Variants in PI4K2B observed in about 807,000 individuals in gnomAD.
PI4K2B encodes phosphatidylinositol 4-kinase type 2 beta.
In PI4K2B, 46 loss-of-function variants were observed where a neutral mutation model predicts 56.6. That is an observed-to-expected ratio of 0.81 (90% CI 0.64 to 1.04). The LOEUF (loss-of-function observed/expected upper bound fraction) is 1.04. Among genes scored for constraint, PI4K2B ranks in the 50% least tolerant of loss-of-function variants. The pLI, the probability that PI4K2B is intolerant of heterozygous loss-of-function variation, is 0.00. For synonymous variants in PI4K2B, 211 were observed against 223.8 expected (o/e 0.94, Z 0.51); for missense variants, 556 against 607.7 (o/e 0.91, Z 0.89).
intron 4 of PI4K2B, chr4:25,258,569 T>TAAA: frequency 4.3e-6 from 1 of 235,258 alleles, no homozygotes; most frequent in Non-Finnish European, 6.7e-6. Context: ...TCTTAACAAC[T>TAAA]AAAAAAAAAA....
At chr4:25,245,298 G>A (rs1368005565) in intron 1 of PI4K2B, among the ~76,000 whole-genome samples, 6 of 152,140 alleles carry the variant, frequency 3.9e-5, no homozygotes, top group East Asian at 1.9e-4. Flanking sequence ...TTTTAGAAGC[G>A]GGACTAACCT....
In PI4K2B at chr4:25,260,562, C is replaced by T. The variant is rs757860778; in HGVS notation, c.949C>T (p.Gln317Ter). The T allele has an allele frequency of 2.9e-6, 4 of 1,399,604 alleles. No homozygotes were observed. Among genetic ancestry groups the T allele is most frequent in the Admixed American group, 2.7e-5 (1 of 37,130 alleles). The allele number at this position is 1,399,604 out of a possible 1,614,324, so 86.7% of individuals were successfully genotyped here. A position where few individuals can be genotyped will look rare whatever the true frequency, so the allele number is the denominator to read the frequency against. Reference protein sequence around the residue: ...NDNWLVRYEKQKCEKEIDHKE... With the variant: ...NDNWLVRYEK ...TAATTGGTTAGTCAGATACGAAAAG[C>T]AGAAATGTGAAAAGGAAATTGACCA... Residue 317 changes from glutamine to a stop codon, truncating the protein, a stop_gained, in exon 6 of 10, where the codon CAG (glutamine) becomes TAG (stop). Coordinates refer to ENST00000264864, the MANE Select transcript of PI4K2B (RefSeq NM_018323.4). LOFTEE classifies it high-confidence loss of function.
At chr4:25,260,806 GTC>G (rs1716444398) in intron 6 of PI4K2B, among the ~76,000 whole-genome samples, 1 of 146,946 alleles carries the variant, frequency 6.8e-6, no homozygotes, top group Non-Finnish European at 1.5e-5. Context: ...TAAATCTACT[GTC>G]TCTGTTTTTC....
intron 1 of PI4K2B, among the ~76,000 whole-genome samples, chr4:25,236,897 G>T (rs755618172): frequency 8.5e-5 from 13 of 152,196 alleles, no homozygotes; most frequent in Non-Finnish European, 1.6e-4. Context: ...GTTCATGATT[G>T]AGTAATTTAA....
intron 3 of PI4K2B, 31 bp from the exon 4 acceptor site, chr4:25,256,512 C>A: frequency 6.3e-7 from 1 of 1,595,712 alleles, no homozygotes; most frequent in South Asian, 1.1e-5. Flanking sequence ...AATGCAAATT[C>A]TAACCATTTT....
At chr4:25,257,738 A>C (rs940697075) in intron 4 of PI4K2B, among the ~76,000 whole-genome samples, 1 of 152,182 alleles carries the variant, frequency 6.6e-6, no homozygotes, top group Non-Finnish European at 1.5e-5. Context: ...TTTAAGATAA[A>C]TTTTACTCAA....
chr4:25,244,822 C>T (rs1345719243), intron 1 of PI4K2B, among the ~76,000 whole-genome samples: 2 of 152,154 alleles, frequency 1.3e-5, no homozygotes, highest in Non-Finnish European at 2.9e-5. Context: ...CGCAACGGTC[C>T]CTGGACCCTG....
At chr4:25,252,174 A>T in intron 1 of PI4K2B, 147 bp from the exon 2 acceptor site, 106 of 360,424 alleles carry the variant, frequency 2.9e-4, no homozygotes, top group East Asian at 3.8e-4. Flanking sequence ...GGGGGTTGTT[A>T]GGCAGTGGGG....
At chr4:25,239,254 CT>C (rs1260090490) in intron 1 of PI4K2B, among the ~76,000 whole-genome samples, 1 of 152,204 alleles carries the variant, frequency 6.6e-6, no homozygotes, top group African/African-American at 2.4e-5. Flanking sequence ...CTCCTCAGCC[CT>C]TGGGTGGTCG....
In PI4K2B at chr4:25,275,093, C is replaced by CTGTCATG. The variant is rs1717048793; in HGVS notation, c.1273-1921_1273-1920insTGTCATG. On this transcript the variant is annotated intron_variant, in intron 9 of 9. Transcript: ENST00000264864. The stretch of plus-strand genomic sequence containing the variant: ...TGCTGGGATTACAGGCATGAGCCAC[C>CTGTCATG]ACACCTGGTCAACGTTTCTGTTTTC... 2.0e-5 allele frequency among the ~76,000 whole-genome samples: 3 copies of CTGTCATG among 152,320 alleles called. No individual in the cohort carries two copies. In the South Asian group the frequency reaches 6.2e-4, roughly 32 times the overall value.
chr4:25,255,727 A>G (rs1197564138), intron 3 of PI4K2B, among the ~76,000 whole-genome samples: 11 of 152,146 alleles, frequency 7.2e-5, no homozygotes, highest in Non-Finnish European at 1.5e-4. Context: ...CCTCCTGAGT[A>G]GCTGGGACTA....
At position 25,259,017 on chromosome 4, in the gene PI4K2B, T is replaced by A; in HGVS notation, c.757-20T>A. ...TTGTTCTTGTACTTTCTTTTCTAAC[T>A]ATAGTTCTTAAAATTATAGATTGGT... On this transcript the variant is annotated intron_variant, in intron 4 of 9. Coordinates refer to ENST00000264864, the MANE Select transcript of PI4K2B (RefSeq NM_018323.4). 7.5e-7 allele frequency: 1 copy of A among 1,334,772 alleles called. No individual in the cohort carries two copies. The highest frequency in any genetic ancestry group is 1.1e-6 in the Non-Finnish European group (1 of 950,384). The allele number at this position is 1,334,772 out of a possible 1,614,324, so 82.7% of individuals were successfully genotyped here.
At chr4:25,239,802 C>G (rs144944772) in intron 1 of PI4K2B, among the ~76,000 whole-genome samples, 1 of 152,212 alleles carries the variant, frequency 6.6e-6, no homozygotes, top group African/African-American at 2.4e-5. Flanking sequence ...TCTCAATCCC[C>G]CCTCTAAACA....
chr4:25,276,816 TGCGC>T (rs1233512239), intron 9 of PI4K2B, 194 bp from the exon 10 acceptor site: 16 of 814,682 alleles, frequency 2.0e-5, no homozygotes, highest in South Asian at 1.1e-4. Context: ...TGTGTGTGTG[TGCGC>T]GTGTGTGTGT....
chr4:25,258,161 T>G (rs2109016609), intron 4 of PI4K2B, among the ~76,000 whole-genome samples: 1 of 151,748 alleles, frequency 6.6e-6, no homozygotes, highest in East Asian at 1.9e-4. Flanking sequence ...AATAGATTTG[T>G]TCTTTAAAAT....
rs576867675 is a variant in PI4K2B at position 25,278,863 on chromosome 4, A to G, written c.*1676A>G. The G allele has an allele frequency of 6.5e-6, 1 of 152,758 alleles. No individual in the cohort carries two copies. Among genetic ancestry groups the G allele is most frequent in the South Asian group, 2.1e-4 (1 of 4,828 alleles). The allele number at this position is 152,758 out of a possible 1,614,324, so 9.5% of individuals were successfully genotyped here. ...AAACTTAATAAATTGCTACTGTTTT[A>G]TATCATAAAATTAAAATACCATGGT... is the stretch of plus-strand genomic sequence containing the variant. On this transcript the variant is annotated 3_prime_UTR_variant, in exon 10 of 10. Coordinates refer to ENST00000264864, the MANE Select transcript of PI4K2B (RefSeq NM_018323.4).
At position 25,279,116 on chromosome 4, in the gene PI4K2B, G is replaced by C. The variant is rs1026327513; in HGVS notation, c.*1929G>C. 1.3e-5 allele frequency: 2 copies of C among 151,390 alleles called. No individual in the cohort carries two copies. The highest frequency in any genetic ancestry group is 2.9e-5 in the Non-Finnish European group (2 of 67,810). 9.4% of individuals were successfully genotyped at this position (151,390 alleles called of 1,614,324 possible). A position where few individuals can be genotyped will look rare whatever the true frequency, so the allele number is the denominator to read the frequency against. On this transcript the variant is annotated 3_prime_UTR_variant, in exon 10 of 10. Transcript: ENST00000264864. ...TATGTTCTTCTGTATGTACGTGTTTGGAATATTTAGAATGTTTATGAACAC... is the reference window on the plus strand; with the variant it reads ...TATGTTCTTCTGTATGTACGTGTTTCGAATATTTAGAATGTTTATGAACAC...
intron 1 of PI4K2B, among the ~76,000 whole-genome samples, chr4:25,238,846 G>A (rs1316483121): frequency 1.3e-5 from 2 of 152,168 alleles, no homozygotes; most frequent in African/African-American, 4.8e-5. Flanking sequence ...TGAGCAGGTT[G>A]CCACTGCTGG....
chr4:25,243,539 A>T (rs570849996), intron 1 of PI4K2B, among the ~76,000 whole-genome samples: 58 of 152,188 alleles, frequency 3.8e-4, no homozygotes, highest in African/African-American at 1.4e-3. Context: ...CTATTATAGA[A>T]CACCGAGGTT....
Sources: allele counts gnomAD v4.1 joint callset (sites outside exome capture counted in the v4.1 genomes callset), GRCh38; gene constraint gnomAD v4.1.1; transcripts MANE v1.5; gene names NCBI Gene and HGNC (gene_info 2026-07-23, HGNC 2026-07-21).